Variants in ITGBL1 observed in about 807,000 individuals in gnomAD.
ITGBL1 encodes the protein integrin subunit beta like 1, also known as integrin beta-like protein 1.
In ITGBL1, 51 loss-of-function variants were observed where a neutral mutation model predicts 68.5. That is an observed-to-expected ratio of 0.74 (90% CI 0.59 to 0.94). The LOEUF is 0.94. Ranked by LOEUF, ITGBL1 falls within the 40% of genes least tolerant of loss-of-function variation. The pLI is 0.00. For synonymous variants in ITGBL1, 209 were observed against 227.3 expected, an observed-to-expected ratio of 0.92 and a Z score of 0.72; for missense variants, 649 against 647.4, an observed-to-expected ratio of 1.00 and a Z score of -0.03.
intron 2 of ITGBL1, among the ~76,000 whole-genome samples, chr13:101,520,388 G>T (rs2049265866): frequency 6.6e-6 from 1 of 152,076 alleles, no homozygotes; most frequent in Non-Finnish European, 1.5e-5. Context: ...GTTTAACCTT[G>T]CAATGAGAGA....
intron 4 of ITGBL1, 27 bp from the exon 5 acceptor site, chr13:101,579,260 A>T (rs1443617342): frequency 6.2e-7 from 1 of 1,600,368 alleles, no homozygotes. Flanking sequence ...TTTTTTCCTC[A>T]CTGTATAAAA....
chr13:101,599,688 T>C (rs2030233239), intron 7 of ITGBL1, among the ~76,000 whole-genome samples: 1 of 152,210 alleles, frequency 6.6e-6, no homozygotes, highest in South Asian at 2.1e-4. Flanking sequence ...ATTTATTAAA[T>C]AGGGAATCCT....
intron 6 of ITGBL1, among the ~76,000 whole-genome samples, chr13:101,586,316 G>C (rs1240122461): frequency 6.6e-6 from 1 of 152,198 alleles, no homozygotes; most frequent in Non-Finnish European, 1.5e-5. Flanking sequence ...GTTTGAACAA[G>C]AAAACATCAA....
At chr13:101,693,877 A>G (rs1347827450) in intron 8 of ITGBL1, among the ~76,000 whole-genome samples, 1 of 152,144 alleles carries the variant, frequency 6.6e-6, no homozygotes, top group Non-Finnish European at 1.5e-5. Flanking sequence ...GATGACCTGG[A>G]GCAGTAGGAT....
At chr13:101,495,562 G>A (rs957509041) in intron 2 of ITGBL1, among the ~76,000 whole-genome samples, 12 of 151,940 alleles carry the variant, frequency 7.9e-5, no homozygotes, top group African/African-American at 2.4e-4. Context: ...ATTTGTGTAG[G>A]AATCTTCTGG....
At chr13:101,553,118 G>A (rs1048182978) in intron 2 of ITGBL1, among the ~76,000 whole-genome samples, 1 of 152,296 alleles carries the variant, frequency 6.6e-6, no homozygotes, top group East Asian at 1.9e-4. Flanking sequence ...AGAAAGAGAA[G>A]TCATGGAGAG....
rs545583707 is a variant in ITGBL1 at position 101,626,909 on chromosome 13, T to C, written c.1015+28610T>C. Among the ~76,000 whole-genome samples, 11 of 152,272 alleles carry C rather than the reference T, an allele frequency of 7.2e-5. No homozygotes were observed. The South Asian group carries it at 2.3e-3, about 32-fold the overall frequency. ...AAATTTAATCTTAGTGTTTCTTCAA[T>C]AGGGAGACACTGGTATATCTTAAAA... is the stretch of plus-strand genomic sequence containing the variant. On this transcript the variant is annotated intron_variant, in intron 7 of 10. Transcript: ENST00000376180.
At position 101,715,429 on chromosome 13, in the gene ITGBL1, A is replaced by G. The variant is rs943947703; in HGVS notation, c.1394-134A>G. 4.5e-5 allele frequency: 32 copies of G among 706,862 alleles called. No homozygotes were observed. In the Admixed American group the frequency reaches 6.8e-4, roughly 15 times the overall value. 43.8% of individuals were successfully genotyped at this position (706,862 alleles called of 1,614,324 possible). A position where few individuals can be genotyped will look rare whatever the true frequency, so the allele number is the denominator to read the frequency against. ...CTGCTTAATAAGATGTAATAATAAC[A>G]TCATTGCACAATAAGAAAATCTACC... On this transcript the variant is annotated intron_variant, in intron 10 of 10. Coordinates refer to ENST00000376180, the MANE Select transcript of ITGBL1 (RefSeq NM_004791.3).
chr13:101,567,886 C>A, intron 3 of ITGBL1, 41 bp downstream of exon 3: 3 of 1,551,720 alleles, frequency 1.9e-6, no homozygotes, highest in African/African-American at 1.4e-5. Flanking sequence ...GTGGAATAAT[C>A]AAATTTTGTT....
At chr13:101,674,191 C>G (rs1176154052) in intron 7 of ITGBL1, among the ~76,000 whole-genome samples, 2 of 152,244 alleles carry the variant, frequency 1.3e-5, no homozygotes, top group Non-Finnish European at 2.9e-5. Context: ...CATACACACA[C>G]TCGCGTGCAT....
intron 7 of ITGBL1, among the ~76,000 whole-genome samples, chr13:101,689,804 A>G (rs909975996): frequency 6.6e-6 from 1 of 152,144 alleles, no homozygotes; most frequent in African/African-American, 2.4e-5. Flanking sequence ...AAATAAGCAC[A>G]CCATGGAAAA....
At chr13:101,504,449 A>G (rs2048995324) in intron 2 of ITGBL1, among the ~76,000 whole-genome samples, 1 of 152,170 alleles carries the variant, frequency 6.6e-6, no homozygotes, top group Non-Finnish European at 1.5e-5. Context: ...TCATAACCTT[A>G]TGGCCAAATA....
intron 2 of ITGBL1, among the ~76,000 whole-genome samples, chr13:101,536,132 T>C (rs1178823265): frequency 2.6e-5 from 4 of 151,950 alleles, no homozygotes; most frequent in Admixed American, 2.0e-4. Flanking sequence ...ATACATGAGA[T>C]ACCATCTCAC....
intron 2 of ITGBL1, among the ~76,000 whole-genome samples, chr13:101,505,160 A>G (rs2049007565): frequency 6.6e-6 from 1 of 152,202 alleles, no homozygotes; most frequent in Admixed American, 6.6e-5. Flanking sequence ...ATGAAAATGT[A>G]TTTGAATGAG....
intron 7 of ITGBL1, among the ~76,000 whole-genome samples, chr13:101,639,417 G>T (rs899244503): frequency 1.5e-4 from 23 of 152,070 alleles, no homozygotes; most frequent in Admixed American, 4.6e-4. Context: ...TTGGAATTGG[G>T]TGAGTCATCT....
rs1289836705 is a variant in ITGBL1 at position 101,453,895 on chromosome 13, C to T, written c.111C>T (p.Gly37=). 9 of 1,248,710 alleles carry T rather than the reference C, an allele frequency of 7.2e-6. No individual in the cohort carries two copies. The African/African-American group carries it at 1.3e-4, about 17-fold the overall frequency. 77.4% of individuals were successfully genotyped at this position (1,248,710 alleles called of 1,614,324 possible). ...SFSPSLRSWP[G]AACRLSRAES... ...GTCGCCCGCGCAGGAGCTGGCCGGG[C>T]GCCGCCTGCAGGCTGTCCCGGGCCG... Residue 37 remains glycine, a synonymous_variant, in exon 2 of 11, where the codon GGC becomes GGT. Coordinates refer to ENST00000376180, the MANE Select transcript of ITGBL1 (RefSeq NM_004791.3).
chr13:101,583,150 A>T, intron 5 of ITGBL1, 66 bp from the exon 6 acceptor site: 2 of 1,453,306 alleles, frequency 1.4e-6, no homozygotes, highest in South Asian at 1.2e-5. Context: ...AATAAGCGAT[A>T]TGTGAAATGC....
At chr13:101,527,657 T>C (rs1288621040) in intron 2 of ITGBL1, among the ~76,000 whole-genome samples, 1 of 152,082 alleles carries the variant, frequency 6.6e-6, no homozygotes, top group Non-Finnish European at 1.5e-5. Flanking sequence ...TTCTGGTTAC[T>C]CTGTATCTGT....
chr13:101,665,452 T>C (rs1447355894), intron 7 of ITGBL1, among the ~76,000 whole-genome samples: 1 of 152,080 alleles, frequency 6.6e-6, no homozygotes, highest in East Asian at 1.9e-4. Flanking sequence ...AATATAACTA[T>C]TTTTAAAATT....
Sources: allele counts gnomAD v4.1 joint callset (sites outside exome capture counted in the v4.1 genomes callset), GRCh38; gene constraint gnomAD v4.1.1; transcripts MANE v1.5; gene names NCBI Gene and HGNC (gene_info 2026-07-23, HGNC 2026-07-21).